The following FRMD6 variants were observed in gnomAD, a reference collection of about 807,000 sequenced individuals.
FRMD6 encodes the protein FERM domain containing 6, also known as FERM domain-containing protein 6.
In FRMD6, 37 loss-of-function variants were observed where a neutral mutation model predicts 73.2. The ratio of observed to expected loss-of-function variants is 0.51; its 90% CI spans 0.39 to 0.66. The LOEUF is 0.66. Among genes scored for constraint, FRMD6 ranks in the 30% least tolerant of loss-of-function variants. The pLI is 0.00. For synonymous variants in FRMD6, 273 were observed against 282.2 expected (o/e 0.97, Z 0.33); for missense variants, 714 against 780.5 (o/e 0.91, Z 1.02).
intron 2 of FRMD6, among the ~76,000 whole-genome samples, chr14:51,581,163 C>T (rs1158054121): frequency 1.3e-5 from 2 of 152,126 alleles, no homozygotes; most frequent in Non-Finnish European, 2.9e-5. Flanking sequence ...TATCATGTAA[C>T]CTGCCCCCAT....
chr14:51,494,511 C>T, intron 1 of FRMD6, among the ~76,000 whole-genome samples: 1 of 152,250 alleles, frequency 6.6e-6, no homozygotes, highest in East Asian at 1.9e-4. Context: ...GGCAGAGACT[C>T]TGCCTTCTGG....
At chr14:51,700,164 C>T (rs1252245534) in intron 3 of FRMD6, among the ~76,000 whole-genome samples, 3 of 151,782 alleles carry the variant, frequency 2.0e-5, no homozygotes, top group Non-Finnish European at 2.9e-5. Flanking sequence ...CAGAGCTTTC[C>T]GTGAAGATGT....
intron 7 of FRMD6, 42 bp downstream of exon 7, chr14:51,708,275 C>A (rs1896746994): frequency 1.0e-5 from 16 of 1,573,722 alleles, no homozygotes; most frequent in African/African-American, 1.4e-5. Context: ...GAGAAAAAAA[C>A]ATCTTCTCAA....
At chr14:51,616,155 G>A (rs2139893622) in intron 2 of FRMD6, among the ~76,000 whole-genome samples, 1 of 152,260 alleles carries the variant, frequency 6.6e-6, no homozygotes, top group Non-Finnish European at 1.5e-5. Flanking sequence ...AGGATAGGAA[G>A]TTGAGATGTC....
chr14:51,420,517 T>C, the FRMD6 span, among the ~76,000 whole-genome samples: 3 of 152,216 alleles, frequency 2.0e-5, no homozygotes, highest in African/African-American at 7.2e-5. Flanking sequence ...AGAATGTTAG[T>C]ACACTTGGCC....
chr14:51,570,580 G>T (rs1888076842), intron 2 of FRMD6, among the ~76,000 whole-genome samples: 1 of 152,200 alleles, frequency 6.6e-6, no homozygotes, highest in Non-Finnish European at 1.5e-5. Flanking sequence ...AGAGCAGTGG[G>T]TCTGAAAATG....
chr14:51,651,815 G>GT (rs1892411547), upstream of FRMD6: 1 of 128,198 alleles, frequency 7.8e-6, no homozygotes, highest in Admixed American at 7.4e-5. Flanking sequence ...GTCTCAGGGG[G>GT]CGGGGATTCG....
chr14:51,603,099 C>G (rs1370070539), intron 2 of FRMD6, among the ~76,000 whole-genome samples: 1 of 152,186 alleles, frequency 6.6e-6, no homozygotes, highest in Non-Finnish European at 1.5e-5. Context: ...CTCCAGAGAG[C>G]CAGCCAGCTC....
intron 1 of FRMD6, among the ~76,000 whole-genome samples, chr14:51,549,595 C>CTT (rs35356416): frequency 0.13 from 12,358 of 97,548 alleles, 1,563 homozygotes; most frequent in Non-Finnish European, 0.17. Flanking sequence ...TTTTTTCTTT[C>CTT]TTTTTTTTTT....
upstream of FRMD6, among the ~76,000 whole-genome samples, chr14:51,486,281 T>G (rs1236933521): frequency 1.3e-5 from 2 of 151,800 alleles, no homozygotes; most frequent in African/African-American, 4.8e-5. Flanking sequence ...TGATCCGCCC[T>G]CCTCGGCCTC....
intron 1 of FRMD6, among the ~76,000 whole-genome samples, chr14:51,680,681 G>A (rs1320317186): frequency 6.6e-6 from 1 of 151,890 alleles, no homozygotes; most frequent in African/African-American, 2.4e-5. Flanking sequence ...AAATTATATA[G>A]TGAAAGGGTA....
rs541319550 is a variant in FRMD6 at position 51,670,898 on chromosome 14, C to T, written c.-146-18793C>T. Among the ~76,000 whole-genome samples, 18 of 152,342 alleles carry T rather than the reference C, an allele frequency of 1.2e-4. 2 individuals are homozygous for T. In the South Asian group the frequency reaches 2.3e-3, roughly 19 times the overall value. ...CTGACCTCAGGTGATCCACCTGCCT[C>T]GGCCTCCCAAAATGGTGGGATTACA... On this transcript the variant is annotated intron_variant, in intron 1 of 13. Transcript: ENST00000344768.
rs776315371 is a variant in FRMD6 at position 51,725,790 on chromosome 14, A to C, written c.1504A>C (p.Lys502Gln). 9.9e-6 allele frequency: 16 copies of C among 1,612,740 alleles called. No individual in the cohort carries two copies. Among genetic ancestry groups the C allele is most frequent in the Non-Finnish European group, 1.4e-5 (16 of 1,178,924 alleles). ...KLNGHSGLIV[K>Q]EIGSSTSSSS... ...GTGTTTTATTTCAGGGTTGATTGTG[A>C]AAGAAATTGGGTCTTCCACCTCGAG... is the stretch of plus-strand genomic sequence containing the variant. The change falls in exon 13 of 14, where the codon AAA becomes CAA. Residue 502 changes from lysine to glutamine, a missense_variant. Physicochemically the swap from Lys to Gln is moderately conservative, Grantham distance 53. Coordinates refer to ENST00000344768, the MANE Select transcript of FRMD6 (RefSeq NM_001267046.2).
At chr14:51,576,584 A>T (rs1371059901) in intron 2 of FRMD6, among the ~76,000 whole-genome samples, 1 of 152,092 alleles carries the variant, frequency 6.6e-6, no homozygotes, top group African/African-American at 2.4e-5. Context: ...GTCCCCCATG[A>T]GTGGATATCA....
chr14:51,409,354 T>A, the FRMD6 span, among the ~76,000 whole-genome samples: 1,350 of 145,784 alleles, frequency 9.3e-3, 24 homozygotes, highest in African/African-American at 0.032. Flanking sequence ...TTTTTTTTTT[T>A]TTTTTTTGCC....
chr14:51,550,923 G>A (rs1454635612), intron 1 of FRMD6, among the ~76,000 whole-genome samples: 4 of 152,020 alleles, frequency 2.6e-5, no homozygotes, highest in African/African-American at 4.8e-5. Context: ...TTCCCTCCCC[G>A]TTTGCTGGTC....
intron 2 of FRMD6, among the ~76,000 whole-genome samples, chr14:51,622,016 G>A (rs1049495690): frequency 1.1e-4 from 17 of 152,190 alleles, no homozygotes; most frequent in African/African-American, 3.1e-4. Flanking sequence ...GGCAAACCAG[G>A]ACTTTTATCC....
intron 2 of FRMD6, among the ~76,000 whole-genome samples, chr14:51,628,269 G>C (rs182577997): frequency 6.6e-6 from 1 of 152,096 alleles, no homozygotes; most frequent in Non-Finnish European, 1.5e-5. Flanking sequence ...ATCACTTTAT[G>C]AATTATATAA....
At chr14:51,415,367 G>A in the FRMD6 span, among the ~76,000 whole-genome samples, 2 of 152,152 alleles carry the variant, frequency 1.3e-5, no homozygotes, top group Admixed American at 1.3e-4. Flanking sequence ...TAACATGAAG[G>A]CTGTTGAATT....
Sources: gnomAD v4.1 joint callset for allele counts (sites outside exome capture counted in the v4.1 genomes callset) on GRCh38, gnomAD v4.1.1 for gene constraint, MANE v1.5 for transcripts, NCBI Gene and HGNC (gene_info 2026-07-23, HGNC 2026-07-21) for gene names.